RAB6B: variants seen among roughly 807,000 people sequenced by gnomAD.
RAB6B encodes ras-related protein Rab-6B.
A neutral mutation model predicts 31.2 loss-of-function variants in RAB6B; 7 were observed. The ratio of observed to expected loss-of-function variants is 0.22; its 90% CI spans 0.13 to 0.42. The LOEUF is 0.42. Ranked by LOEUF, RAB6B falls within the 10% of genes least tolerant of loss-of-function variation. The pLI, the probability that RAB6B is intolerant of heterozygous loss-of-function variation, is 1.00. For missense variants in RAB6B, 149 were observed against 280.6 expected (o/e 0.53, Z 3.35); for synonymous variants, 105 against 104.9 (o/e 1.00, Z -0.01).
intron 2 of RAB6B, among the ~76,000 whole-genome samples, chr3:133,858,621 C>T (rs2108000390): frequency 6.6e-6 from 1 of 152,340 alleles, no homozygotes; most frequent in South Asian, 2.1e-4. Context: ...ACTAGGGCCA[C>T]CCTAATAATC....
intron 1 of RAB6B, among the ~76,000 whole-genome samples, chr3:133,890,785 T>C (rs1936627253): frequency 2.0e-5 from 3 of 152,084 alleles, no homozygotes; most frequent in South Asian, 2.1e-4. Context: ...GACTAAGACA[T>C]AGACCTCAGA....
intron 2 of RAB6B, among the ~76,000 whole-genome samples, chr3:133,851,018 G>GA (rs57648730): frequency 2.9e-3 from 307 of 105,558 alleles, no homozygotes; most frequent in Non-Finnish European, 4.4e-3. Context: ...AAGTGTTCAA[G>GA]AAAAAAAAAA....
At chr3:133,829,710 T>G (rs1254847180) in intron 7 of RAB6B, among the ~76,000 whole-genome samples, 2 of 152,168 alleles carry the variant, frequency 1.3e-5, no homozygotes, top group Non-Finnish European at 2.9e-5. Flanking sequence ...TGGCTCCTAT[T>G]TGAGGACAAC....
intron 4 of RAB6B, among the ~76,000 whole-genome samples, chr3:133,840,331 G>A (rs943012956): frequency 6.6e-6 from 1 of 152,154 alleles, no homozygotes; most frequent in East Asian, 1.9e-4. Context: ...CCCACCACTC[G>A]GCAGCCTGCA....
At chr3:133,852,057 T>C (rs1935992311) in intron 2 of RAB6B, among the ~76,000 whole-genome samples, 1 of 152,246 alleles carries the variant, frequency 6.6e-6, no homozygotes, top group African/African-American at 2.4e-5. Flanking sequence ...TCACAGGGAA[T>C]GAGCGTGGTC....
At chr3:133,836,867 T>G (rs1211270996) in intron 6 of RAB6B, among the ~76,000 whole-genome samples, 1 of 152,168 alleles carries the variant, frequency 6.6e-6, no homozygotes, top group East Asian at 1.9e-4. Flanking sequence ...CAGTGTCACA[T>G]AGTGTCCCTT....
chr3:133,834,659 T>C lies in RAB6B; in HGVS notation c.496-18A>G. The C allele has an allele frequency of 6.2e-7, 1 of 1,613,132 alleles. No individual in the cohort carries two copies. Among genetic ancestry groups the C allele is most frequent in the Non-Finnish European group, 8.5e-7 (1 of 1,179,160 alleles). Reference sequence around the variant, plus strand: ...CGAAAAAGCTGGAAAGATGAAGAAATGCAGTGTGAACCCCAACCCTGGCCC... The same window carrying C: ...CGAAAAAGCTGGAAAGATGAAGAAACGCAGTGTGAACCCCAACCCTGGCCC... On this transcript the variant is annotated intron_variant, in intron 6 of 7. Coordinates refer to ENST00000285208, the MANE Select transcript of RAB6B (RefSeq NM_016577.4).
At chr3:133,832,993 G>T (rs1935677530) in intron 7 of RAB6B, among the ~76,000 whole-genome samples, 1 of 152,192 alleles carries the variant, frequency 6.6e-6, no homozygotes, top group Admixed American at 6.5e-5. Flanking sequence ...TGAATGAAAC[G>T]ATCACCACTC....
In RAB6B at chr3:133,851,268, ATTGT is replaced by A. The variant is rs139616322; in HGVS notation, c.130-9609_130-9606del. ...ATACATGCATGGGTCAATGCAGGAC[ATTGT>A]TTGTTTTAGATAAAAGTGATGGCTT... On this transcript the variant is annotated intron_variant, in intron 2 of 7. Transcript: ENST00000285208. 7.2e-5 allele frequency among the ~76,000 whole-genome samples: 11 copies of A among 152,354 alleles called. No homozygotes were observed. The East Asian group carries it at 1.7e-3, about 24-fold the overall frequency.
At chr3:133,846,189 G>T (rs1935906534) in intron 2 of RAB6B, among the ~76,000 whole-genome samples, 1 of 152,234 alleles carries the variant, frequency 6.6e-6, no homozygotes, top group South Asian at 2.1e-4. Flanking sequence ...GCTCATGCCT[G>T]TAATCCTAGC....
intron 2 of RAB6B, among the ~76,000 whole-genome samples, chr3:133,848,986 G>A (rs1935942489): frequency 6.6e-6 from 1 of 152,096 alleles, no homozygotes; most frequent in Admixed American, 6.6e-5. Context: ...GCATTCTATG[G>A]ACTCATTCCC....
chr3:133,877,375 C>T (rs1936411351), intron 1 of RAB6B, among the ~76,000 whole-genome samples: 1 of 152,222 alleles, frequency 6.6e-6, no homozygotes, highest in Non-Finnish European at 1.5e-5. Context: ...CAGTGCTTGG[C>T]ATCCACACCA....
chr3:133,874,166 T>G (rs1010034311), intron 1 of RAB6B, among the ~76,000 whole-genome samples: 4 of 152,218 alleles, frequency 2.6e-5, no homozygotes, highest in African/African-American at 9.6e-5. Context: ...TAAGTGGATA[T>G]GCATAGTTCA....
chr3:133,888,363 A>T (rs1936584002), intron 1 of RAB6B, among the ~76,000 whole-genome samples: 1 of 152,238 alleles, frequency 6.6e-6, no homozygotes, highest in African/African-American at 2.4e-5. Context: ...ATGTTCAATA[A>T]ATGCCACGTG....
At position 133,827,778 on chromosome 3, in the gene RAB6B, G is replaced by A. The variant is rs1271002898; in HGVS notation, c.*1010C>T. On this transcript the variant is annotated 3_prime_UTR_variant, in exon 8 of 8. Transcript: ENST00000285208. ...CCCCCCCCCGCCTCCCCATCACAGA[G>A]GATCAACTCCAGGTGGTCCAGCTTC... is the stretch of plus-strand genomic sequence containing the variant. 6.0e-5 allele frequency: 8 copies of A among 132,638 alleles called. No individual in the cohort carries two copies. Among genetic ancestry groups the A allele is most frequent in the Non-Finnish European group, 1.7e-5 (1 of 57,648 alleles). The allele number at this position is 132,638 out of a possible 1,614,324, so 8.2% of individuals were successfully genotyped here. A position where few individuals can be genotyped will look rare whatever the true frequency, so the allele number is the denominator to read the frequency against.
At chr3:133,838,589 A>G (rs1935776721) in intron 5 of RAB6B, among the ~76,000 whole-genome samples, 1 of 152,190 alleles carries the variant, frequency 6.6e-6, no homozygotes, top group African/African-American at 2.4e-5. Context: ...AAGAGATTCA[A>G]GCCAGGCAGT....
At position 133,895,746 on chromosome 3, in the gene RAB6B, G is replaced by T. The variant is rs916183468; in HGVS notation, c.-280C>A. ...GCGGTGCGAGGGGCGCGCTCTTTAC[G>T]CCCGAGGCGCGGCGCTGGGAGAGAG... On this transcript the variant is annotated 5_prime_UTR_variant, in exon 1 of 8. Transcript: ENST00000285208. 2.5e-5 allele frequency: 11 copies of T among 440,570 alleles called. No homozygotes were observed. Among genetic ancestry groups the T allele is most frequent in the Non-Finnish European group, 4.4e-5 (11 of 252,810 alleles). 27.3% of individuals were successfully genotyped at this position (440,570 alleles called of 1,614,324 possible). A position where few individuals can be genotyped will look rare whatever the true frequency, so the allele number is the denominator to read the frequency against.
intron 1 of RAB6B, among the ~76,000 whole-genome samples, chr3:133,875,352 T>C (rs555038395): frequency 1.3e-5 from 2 of 152,288 alleles, no homozygotes; most frequent in South Asian, 2.1e-4. Flanking sequence ...ATCTCACTTA[T>C]ATGTGGAAAC....
intron 1 of RAB6B, among the ~76,000 whole-genome samples, chr3:133,867,641 G>A (rs924983592): frequency 2.6e-5 from 4 of 152,148 alleles, no homozygotes; most frequent in Admixed American, 6.5e-5. Context: ...GGAACAGCCC[G>A]TCCCAGGCCA....
Sources: allele counts gnomAD v4.1 joint callset (sites outside exome capture counted in the v4.1 genomes callset), GRCh38; gene constraint gnomAD v4.1.1; transcripts MANE v1.5; gene names NCBI Gene and HGNC (gene_info 2026-07-23, HGNC 2026-07-21).